The following ADAMTS20 variants were observed in gnomAD, a reference collection of about 807,000 sequenced individuals.
ADAMTS20 encodes ADAM metallopeptidase with thrombospondin type 1 motif 20.
A neutral mutation model predicts 260.1 loss-of-function variants in ADAMTS20; 225 were observed. The ratio of observed to expected loss-of-function variants is 0.87; its 90% CI spans 0.78 to 0.97. The LOEUF (loss-of-function observed/expected upper bound fraction) is 0.97. Among genes scored for constraint, ADAMTS20 ranks in the 50% least tolerant of loss-of-function variants. ADAMTS20 has a pLI of 0.00. For synonymous variants in ADAMTS20, 802 were observed against 769.5 expected (o/e 1.04, Z -0.70); for missense variants, 2,400 against 2,337.7 (o/e 1.03, Z -0.55).
At chr12:43,397,134 A>G (rs959831664) in intron 29 of ADAMTS20, among the ~76,000 whole-genome samples, 4 of 152,228 alleles carry the variant, frequency 2.6e-5, no homozygotes, top group Admixed American at 2.6e-4. Context: ...TTGGAAACAT[A>G]ATAATTTAAG....
chr12:43,535,930 T>A (rs1368607625), intron 2 of ADAMTS20, among the ~76,000 whole-genome samples: 1 of 152,034 alleles, frequency 6.6e-6, no homozygotes, highest in East Asian at 1.9e-4. Flanking sequence ...CAACAAGGAC[T>A]TGCACTCTGT....
Position 43,429,743 on chromosome 12 carries a change from G to T in ADAMTS20, c.3382-19C>A, listed in dbSNP as rs947756115. The T allele has an allele frequency of 6.8e-7, 1 of 1,476,508 alleles. No individual in the cohort carries two copies. The allele number at this position is 1,476,508 out of a possible 1,614,324, so 91.5% of individuals were successfully genotyped here. On this transcript the variant is annotated intron_variant, in intron 23 of 38. Coordinates refer to ENST00000389420, the MANE Select transcript of ADAMTS20 (RefSeq NM_025003.5). Reference sequence around the variant, plus strand: ...CACAGCTCTGTTCAGAAGAAAAATGGTTCTCGTAAAACATTAATTAATGAC... The same window carrying T: ...CACAGCTCTGTTCAGAAGAAAAATGTTTCTCGTAAAACATTAATTAATGAC...
chr12:43,433,691 CAT>C, intron 19 of ADAMTS20: 1 of 348,758 alleles, frequency 2.9e-6, no homozygotes, highest in Non-Finnish European at 5.4e-6. Flanking sequence ...CACACACACA[CAT>C]GCACACACAA....
chr12:43,382,036 G>A lies in ADAMTS20; in HGVS notation c.4797+1522C>T, dbSNP rs1248967927. Among the ~76,000 whole-genome samples the A allele has an allele frequency of 3.9e-5, 6 of 152,076 alleles. No individual in the cohort carries two copies. The East Asian group carries it at 1.2e-3, about 29-fold the overall frequency. On this transcript the variant is annotated intron_variant, in intron 31 of 38. Coordinates refer to ENST00000389420, the MANE Select transcript of ADAMTS20 (RefSeq NM_025003.5). ...GAAATAGGAACCTTTATACATTGCT[G>A]ATAGGAAAGAAAAATGGTGTGGCCA...
chr12:43,514,491 G>A lies in ADAMTS20; in HGVS notation c.614-12086C>T, dbSNP rs532790360. On this transcript the variant is annotated intron_variant, in intron 3 of 38. Coordinates refer to ENST00000389420, the MANE Select transcript of ADAMTS20 (RefSeq NM_025003.5). Reference sequence around the variant, plus strand: ...GCAGGAGAACAGCTTGAACCAGGGAGGCAGAGGTTGCAGTGAGCCAAGATC... The same window carrying A: ...GCAGGAGAACAGCTTGAACCAGGGAAGCAGAGGTTGCAGTGAGCCAAGATC... Among the ~76,000 whole-genome samples, 70 of 136,930 alleles carry A rather than the reference G, an allele frequency of 5.1e-4. 2 individuals are homozygous for A. Among genetic ancestry groups the A allele is most frequent in the African/African-American group, 1.8e-3 (65 of 37,060 alleles). 89.8% of individuals were successfully genotyped at this position (136,930 alleles called of 152,430 possible).
chr12:43,491,910 T>C (rs539571340), intron 6 of ADAMTS20, among the ~76,000 whole-genome samples: 1 of 152,312 alleles, frequency 6.6e-6, no homozygotes, highest in East Asian at 1.9e-4. Context: ...CTGTCACTAA[T>C]ATCGTAAGGA....
chr12:43,448,273 G>C (rs764142818), intron 14 of ADAMTS20, among the ~76,000 whole-genome samples: 5 of 152,034 alleles, frequency 3.3e-5, no homozygotes, highest in Admixed American at 6.6e-5. Flanking sequence ...AAACAGCATG[G>C]AACTGGTACA....
At chr12:43,532,659 G>A (rs1199934410) in intron 2 of ADAMTS20, among the ~76,000 whole-genome samples, 4 of 102,638 alleles carry the variant, frequency 3.9e-5, no homozygotes, top group Admixed American at 1.0e-4. Flanking sequence ...ACCCACTAAC[G>A]TGTCATCTAG....
rs1941469166 is a variant in ADAMTS20, at chr12:43,432,626, C to A, written c.2906G>T (p.Arg969Ile). ...ELCHGNCVFT[R>I]WHYSEWSQCS... is the part of the protein sequence containing the mutation. ...CTGAGACCATTCTGAATAATGCCAT[C>A]TTGTGAAGACACAGTTACCATGGCA... is the stretch of plus-strand genomic sequence containing the variant. Residue 969 changes from arginine (R) to isoleucine (I), a missense_variant, in exon 20 of 39, where the codon AGA (arginine) becomes ATA (isoleucine). Transcript: ENST00000389420. 1 of 1,613,832 alleles carries A rather than the reference C, an allele frequency of 6.2e-7. No homozygotes were observed. Among genetic ancestry groups the A allele is most frequent in the Non-Finnish European group, 8.5e-7 (1 of 1,179,878 alleles).
chr12:43,441,339 C>T (rs1941662305), intron 16 of ADAMTS20, among the ~76,000 whole-genome samples: 1 of 151,290 alleles, frequency 6.6e-6, no homozygotes, highest in Non-Finnish European at 1.5e-5. Context: ...TATATATATA[C>T]AAATAGAGAA....
At chr12:43,518,831 A>T (rs1943033603) in intron 3 of ADAMTS20, among the ~76,000 whole-genome samples, 1 of 151,820 alleles carries the variant, frequency 6.6e-6, no homozygotes, top group African/African-American at 2.4e-5. Flanking sequence ...AAAAAAAAAA[A>T]AAAAAGAATA....
chr12:43,439,471 A>G (rs1337739742), intron 18 of ADAMTS20, 151 bp downstream of exon 18: 1 of 865,096 alleles, frequency 1.2e-6, no homozygotes, highest in Non-Finnish European at 1.7e-6. Flanking sequence ...AAAAAAGTAG[A>G]AAGGAAAAAA....
intron 3 of ADAMTS20, among the ~76,000 whole-genome samples, chr12:43,517,240 T>C (rs1031804979): frequency 2.7e-4 from 41 of 151,996 alleles, no homozygotes; most frequent in African/African-American, 8.2e-4. Flanking sequence ...ATAAATAAAA[T>C]ATTGAAAGAT....
At chr12:43,448,398 C>T (rs1290301274) in intron 14 of ADAMTS20, among the ~76,000 whole-genome samples, 2 of 152,110 alleles carry the variant, frequency 1.3e-5, no homozygotes, top group East Asian at 3.8e-4. Flanking sequence ...AAAAAGGACT[C>T]CCTATTCAAT....
At chr12:43,388,562 T>G (rs551998345) in intron 29 of ADAMTS20, among the ~76,000 whole-genome samples, 4 of 152,222 alleles carry the variant, frequency 2.6e-5, no homozygotes, top group Admixed American at 6.5e-5. Flanking sequence ...TTAGACAACT[T>G]TGTCCAAGTC....
At position 43,438,562 on chromosome 12, in the gene ADAMTS20, GC is replaced by G. The variant is rs1435929004; in HGVS notation, c.2593+1059del. Among the ~76,000 whole-genome samples, 7 of 152,122 alleles carry G rather than the reference GC, an allele frequency of 4.6e-5. No individual in the cohort carries two copies. The East Asian group carries it at 1.4e-3, about 29-fold the overall frequency. On this transcript the variant is annotated intron_variant, in intron 18 of 38. Transcript: ENST00000389420. Reference sequence around the variant, plus strand: ...TCATTCTGGGAAGCACTGTCCAGATGCCACAGGACCAAGACTGTGCCTTTTC... The same window carrying G: ...TCATTCTGGGAAGCACTGTCCAGATGCACAGGACCAAGACTGTGCCTTTTC...
chr12:43,435,696 T>TAA (rs535341386), intron 18 of ADAMTS20, among the ~76,000 whole-genome samples: 3 of 117,080 alleles, frequency 2.6e-5, no homozygotes, highest in Non-Finnish European at 3.8e-5. Flanking sequence ...AAAAAGTCTA[T>TAA]AAAAAAAAAA....
chr12:43,395,348 G>A (rs1165121533), intron 29 of ADAMTS20, among the ~76,000 whole-genome samples: 2 of 151,970 alleles, frequency 1.3e-5, no homozygotes, highest in Non-Finnish European at 2.9e-5. Context: ...AAACATATAT[G>A]TATATGTCAG....
intron 28 of ADAMTS20, among the ~76,000 whole-genome samples, chr12:43,400,530 A>G (rs980096312): frequency 1.3e-5 from 2 of 151,950 alleles, no homozygotes; most frequent in Non-Finnish European, 2.9e-5. Context: ...TGCTTAGAGC[A>G]CACTTGGTTC....
Sources: allele counts gnomAD v4.1 joint callset (sites outside exome capture counted in the v4.1 genomes callset), GRCh38; gene constraint gnomAD v4.1.1; transcripts MANE v1.5; gene names NCBI Gene and HGNC (gene_info 2026-07-23, HGNC 2026-07-21).